Variants in WDR76 observed in about 807,000 individuals in gnomAD.
The protein encoded by WDR76 is WD repeat domain 76.
WDR76 carries 52 observed loss-of-function variants against 70.2 expected under a neutral mutation model. That is an observed-to-expected ratio of 0.74 (90% confidence interval 0.59 to 0.93). WDR76 has a LOEUF of 0.93. WDR76 is among the 40% of genes least tolerant of loss of function. The pLI is 0.00. For missense variants in WDR76, 756 were observed against 760.2 expected (o/e 0.99, Z 0.07); for synonymous variants, 292 against 271.1 (o/e 1.08, Z -0.76).
At chr15:43,837,231 C>T (rs918100595) in intron 4 of WDR76, among the ~76,000 whole-genome samples, 3 of 152,102 alleles carry the variant, frequency 2.0e-5, no homozygotes, top group Non-Finnish European at 4.4e-5. Context: ...AGTGCCAGTT[C>T]CTAATGAAAT....
chr15:43,856,074 T>G (rs1465677154), intron 9 of WDR76, among the ~76,000 whole-genome samples: 1 of 152,196 alleles, frequency 6.6e-6, no homozygotes, highest in Non-Finnish European at 1.5e-5. Flanking sequence ...TGCAACTCTT[T>G]TCACTTAATA....
At chr15:43,838,397 G>C (rs762246712) in intron 4 of WDR76, among the ~76,000 whole-genome samples, 9 of 151,328 alleles carry the variant, frequency 5.9e-5, no homozygotes, top group South Asian at 2.1e-4. Context: ...TGTTGGCAAG[G>C]CTGGTCTGGA....
At chr15:43,849,978 A>T (rs1014916647) in intron 8 of WDR76, among the ~76,000 whole-genome samples, 1 of 152,194 alleles carries the variant, frequency 6.6e-6, no homozygotes, top group African/African-American at 2.4e-5. Flanking sequence ...CAGGAAGAGT[A>T]TGTGTGATTA....
At chr15:43,841,605 G>A (rs1437650025) in intron 5 of WDR76, among the ~76,000 whole-genome samples, 1 of 152,110 alleles carries the variant, frequency 6.6e-6, no homozygotes, top group Non-Finnish European at 1.5e-5. Flanking sequence ...CTCCCAAAGT[G>A]CAGGGATCAC....
chr15:43,865,268 G>GTATTTT (rs1271362429), intron 12 of WDR76, among the ~76,000 whole-genome samples: 3 of 139,376 alleles, frequency 2.2e-5, no homozygotes, highest in African/African-American at 8.1e-5. Flanking sequence ...GCTACTTTTT[G>GTATTTT]TATTTTTATT....
At chr15:43,861,624 A>G (rs111500784) in intron 12 of WDR76, among the ~76,000 whole-genome samples, 1 of 152,168 alleles carries the variant, frequency 6.6e-6, no homozygotes, top group African/African-American at 2.4e-5. Flanking sequence ...GTGGGAGGTT[A>G]TTTTTGGTTA....
chr15:43,841,779 A>G (rs188506122), intron 5 of WDR76, among the ~76,000 whole-genome samples: 46 of 152,358 alleles, frequency 3.0e-4, no homozygotes, highest in Admixed American at 2.2e-3. Context: ...AGTTAAGATA[A>G]TCTGAGTCAA....
At chr15:43,848,082 C>CAA (rs56937893) in intron 8 of WDR76, among the ~76,000 whole-genome samples, 73 of 146,880 alleles carry the variant, frequency 5.0e-4, no homozygotes, top group South Asian at 2.4e-3. Flanking sequence ...AACAAACAAA[C>CAA]AAAAAAAAAA....
chr15:43,831,399 A>C (rs926539810), intron 2 of WDR76, among the ~76,000 whole-genome samples: 20 of 151,954 alleles, frequency 1.3e-4, no homozygotes, highest in Admixed American at 6.6e-5. Flanking sequence ...TCGGCCTCCC[A>C]AAGTGCTGGG....
At chr15:43,834,698 C>T (rs1015281949) in intron 2 of WDR76, among the ~76,000 whole-genome samples, 5 of 152,138 alleles carry the variant, frequency 3.3e-5, no homozygotes, top group African/African-American at 1.2e-4. Context: ...CCATCCACTT[C>T]AGCTTCCCAA....
intron 12 of WDR76, among the ~76,000 whole-genome samples, chr15:43,862,276 CTTT>C: frequency 3.9e-3 from 163 of 42,166 alleles, no homozygotes; most frequent in African/African-American, 8.2e-3. Flanking sequence ...TTATCAGTTT[CTTT>C]TTTTTTTTTT....
chr15:43,843,015 T>C (rs1014097348), intron 7 of WDR76, among the ~76,000 whole-genome samples: 1 of 102,332 alleles, frequency 9.8e-6, no homozygotes, highest in Non-Finnish European at 1.8e-5. Context: ...TTCTTTTTCT[T>C]TTTTTTTTTT....
chr15:43,831,718 G>A (rs992037393), intron 2 of WDR76, among the ~76,000 whole-genome samples: 4 of 152,122 alleles, frequency 2.6e-5, no homozygotes, highest in African/African-American at 9.7e-5. Context: ...GGGATTACAG[G>A]CGTGAGCCAC....
Position 43,839,729 on chromosome 15 carries a change from G to T in WDR76, c.732+1G>T. 1 of 1,598,550 alleles carries T rather than the reference G, an allele frequency of 6.3e-7. No homozygotes were observed. Among genetic ancestry groups the T allele is most frequent in the East Asian group, 2.2e-5 (1 of 44,536 alleles). ...GCCGACATTAGTAGCAGATGAAACTGTAAGGAAATGTGCAAATATAATATT... is the reference window on the plus strand; with the variant it reads ...GCCGACATTAGTAGCAGATGAAACTTTAAGGAAATGTGCAAATATAATATT... On this transcript the variant is annotated splice_donor_variant, in intron 5 of 12. Transcript: ENST00000263795. LOFTEE classifies it high-confidence loss of function.
intron 2 of WDR76, among the ~76,000 whole-genome samples, chr15:43,833,761 C>T (rs1395294263): frequency 1.3e-5 from 2 of 151,374 alleles, no homozygotes; most frequent in Admixed American, 6.6e-5. Flanking sequence ...CTCAGCCTCC[C>T]GAGTAGCTGG....
At position 43,867,508 on chromosome 15, in the gene WDR76, A is replaced by G. The variant is rs1310637342; in HGVS notation, c.*1116A>G. ...ATTGTTTGGTAAAACTTAGTTACAT[A>G]TGCATATATATTTGTTAGGTATATA... On this transcript the variant is annotated 3_prime_UTR_variant, in exon 13 of 13. Transcript: ENST00000263795. The G allele has an allele frequency of 2.0e-5, 3 of 151,938 alleles. No individual in the cohort carries two copies. Among genetic ancestry groups the G allele is most frequent in the Admixed American group, 6.6e-5 (1 of 15,248 alleles). 9.4% of individuals were successfully genotyped at this position (151,938 alleles called of 1,614,324 possible). A position where few individuals can be genotyped will look rare whatever the true frequency, so the allele number is the denominator to read the frequency against.
At chr15:43,844,698 A>G (rs1422145897) in intron 8 of WDR76, among the ~76,000 whole-genome samples, 1 of 151,426 alleles carries the variant, frequency 6.6e-6, no homozygotes, top group East Asian at 2.0e-4. Context: ...TCACGAAGTC[A>G]GGAGATCGAG....
intron 4 of WDR76, among the ~76,000 whole-genome samples, chr15:43,838,691 T>A (rs116408657): frequency 2.0e-5 from 3 of 152,200 alleles, no homozygotes; most frequent in Non-Finnish European, 4.4e-5. Flanking sequence ...TATATGATAT[T>A]CCACTGTATG....
intron 4 of WDR76, 65 bp from the exon 5 acceptor site, chr15:43,839,540 T>C (rs1195188719): frequency 6.7e-7 from 1 of 1,499,840 alleles, no homozygotes. Context: ...AGTTATCTCT[T>C]TAGTATTAGT....
Sources: gnomAD v4.1 joint callset for allele counts (sites outside exome capture counted in the v4.1 genomes callset) on GRCh38, gnomAD v4.1.1 for gene constraint, MANE v1.5 for transcripts, NCBI Gene and HGNC (gene_info 2026-07-23, HGNC 2026-07-21) for gene names.